Variants in LIG1 observed in about 807,000 individuals in gnomAD.
The protein encoded by LIG1 is DNA ligase 1, also known as ligase I, DNA, ATP-dependent.
A neutral mutation model predicts 115.7 loss-of-function variants in LIG1; 70 were observed. The ratio of observed to expected loss-of-function variants is 0.60; its 90% CI spans 0.50 to 0.74. The LOEUF (loss-of-function observed/expected upper bound fraction) is 0.74. LIG1 is among the 30% of genes least tolerant of loss of function. LIG1 has a pLI of 0.00. For synonymous variants in LIG1, 487 were observed against 495.3 expected (o/e 0.98, Z 0.22); for missense variants, 1,115 against 1,225.6 (o/e 0.91, Z 1.35).
intron 9 of LIG1, among the ~76,000 whole-genome samples, chr19:48,148,430 G>A (rs550033114): frequency 1.3e-4 from 19 of 150,468 alleles, no homozygotes; most frequent in Admixed American, 8.0e-4. Context: ...AGCTGAGATC[G>A]TGCCACTGCA....
At chr19:48,135,617 C>G (rs2122601479) in intron 16 of LIG1, 63 bp downstream of exon 16, 1 of 1,306,280 alleles carries the variant, frequency 7.7e-7, no homozygotes, top group African/African-American at 1.4e-5. Context: ...TCCTCTGGCT[C>G]CACCCCCACC....
intron 17 of LIG1, 147 bp from the exon 18 acceptor site, chr19:48,133,244 T>C (rs1424300264): frequency 1.1e-5 from 7 of 656,952 alleles, no homozygotes; most frequent in Non-Finnish European, 1.9e-5. Context: ...GAAGGGGACC[T>C]AGCCTCCCAC....
At chr19:48,168,511 C>CT (rs1435147585) in intron 1 of LIG1, among the ~76,000 whole-genome samples, 1 of 152,282 alleles carries the variant, frequency 6.6e-6, no homozygotes, top group Admixed American at 6.5e-5. Context: ...CCTGGCGTCT[C>CT]TATCGGAACG....
chr19:48,119,567 G>A (rs1042307824), intron 24 of LIG1, among the ~76,000 whole-genome samples: 1 of 123,350 alleles, frequency 8.1e-6, no homozygotes, highest in Non-Finnish European at 1.6e-5. Flanking sequence ...GAGACAGGGT[G>A]TAGCTCTGTT....
intron 3 of LIG1, among the ~76,000 whole-genome samples, chr19:48,161,823 T>TG (rs2036193159): frequency 1.5e-5 from 2 of 130,898 alleles, no homozygotes; most frequent in African/African-American, 6.0e-5. Context: ...TCTATTGGGA[T>TG]GCCTTTTTTT....
At chr19:48,161,288 C>T (rs2036160820) in intron 4 of LIG1, 84 bp downstream of exon 4, 3 of 1,585,446 alleles carry the variant, frequency 1.9e-6, no homozygotes, top group Non-Finnish European at 8.7e-7. Flanking sequence ...CCAGAATTCT[C>T]CTGAACAGCT....
chr19:48,165,488 T>A, intron 2 of LIG1, 62 bp downstream of exon 2: 1 of 1,271,898 alleles, frequency 7.9e-7, no homozygotes, highest in Non-Finnish European at 1.2e-6. Flanking sequence ...TAAGTACAGA[T>A]TTAGAGAAAG....
At chr19:48,130,979 A>C in intron 19 of LIG1, 97 bp downstream of exon 19, 1 of 952,196 alleles carries the variant, frequency 1.1e-6, no homozygotes, top group South Asian at 1.3e-5. Flanking sequence ...CCTCCCAATA[A>C]ACCCCGCACT....
chr19:48,168,004 C>T (rs914546742), intron 1 of LIG1, among the ~76,000 whole-genome samples: 5 of 152,066 alleles, frequency 3.3e-5, no homozygotes, highest in African/African-American at 9.7e-5. Flanking sequence ...AAAACTATTA[C>T]GATCCCTCCT....
chr19:48,121,467 T>C (rs1450354357), intron 23 of LIG1, 145 bp from the exon 24 acceptor site: 2 of 770,400 alleles, frequency 2.6e-6, no homozygotes, highest in Non-Finnish European at 4.0e-6. Context: ...GGATGGCCCC[T>C]GGGAAGAGAC....
chr19:48,169,270 A>G (rs2036640497), intron 1 of LIG1, among the ~76,000 whole-genome samples: 1 of 152,186 alleles, frequency 6.6e-6, no homozygotes, highest in South Asian at 2.1e-4. Context: ...ACAAATCTAT[A>G]CAAGGAATCA....
chr19:48,140,631 T>C (rs1312157623), intron 11 of LIG1, among the ~76,000 whole-genome samples: 1 of 152,168 alleles, frequency 6.6e-6, no homozygotes, highest in Non-Finnish European at 1.5e-5. Flanking sequence ...CTCCTGGGGA[T>C]AACATCACTA....
At chr19:48,161,255 T>A in intron 4 of LIG1, 117 bp downstream of exon 4, 1 of 1,457,148 alleles carries the variant, frequency 6.9e-7, no homozygotes, top group Non-Finnish European at 9.6e-7. Context: ...AGGAAACACA[T>A]CTACCTCTCC....
chr19:48,134,839 C>A (rs1382240642), intron 16 of LIG1, among the ~76,000 whole-genome samples: 1 of 152,234 alleles, frequency 6.6e-6, no homozygotes, highest in African/African-American at 2.4e-5. Flanking sequence ...GGGGCCCTGG[C>A]CCAGAGCAGG....
chr19:48,129,669 A>C (rs1479410047), intron 19 of LIG1, among the ~76,000 whole-genome samples: 2 of 152,252 alleles, frequency 1.3e-5, no homozygotes, highest in Non-Finnish European at 2.9e-5. Context: ...GCGACCAAAA[A>C]GCAGACCTGG....
chr19:48,148,775 G>C (rs150616676), intron 9 of LIG1, among the ~76,000 whole-genome samples: 26 of 152,280 alleles, frequency 1.7e-4, no homozygotes, highest in African/African-American at 6.0e-4. Flanking sequence ...GATGTCGTGG[G>C]AATCAGCCCA....
At chr19:48,132,002 G>A (rs377213348) in intron 18 of LIG1, among the ~76,000 whole-genome samples, 1 of 146,206 alleles carries the variant, frequency 6.8e-6, no homozygotes, top group Non-Finnish European at 1.5e-5. Context: ...GTAGTGGCAC[G>A]ATCTTGGCTC....
intron 6 of LIG1, 99 bp downstream of exon 6, chr19:48,153,773 C>CACACACACACA (rs36137616): frequency 4.4e-5 from 15 of 340,438 alleles, no homozygotes; most frequent in African/African-American, 1.3e-4. Context: ...CACACACACA[C>CACACACACACA]CTCTCCTTCT....
intron 1 of LIG1, among the ~76,000 whole-genome samples, chr19:48,167,290 C>T (rs1012615272): frequency 2.0e-5 from 3 of 151,854 alleles, no homozygotes; most frequent in African/African-American, 2.4e-5. Context: ...TAAAAAAGGA[C>T]TAGCAGGACC....
Sources: gnomAD v4.1 joint callset for allele counts (sites outside exome capture counted in the v4.1 genomes callset) on GRCh38, gnomAD v4.1.1 for gene constraint, MANE v1.5 for transcripts, NCBI Gene and HGNC (gene_info 2026-07-23, HGNC 2026-07-21) for gene names.